The following CYLD variants were observed in gnomAD, a reference collection of about 807,000 sequenced individuals.
CYLD encodes the protein CYLD lysine 63 deubiquitinase, also known as ubiquitin carboxyl-terminal hydrolase CYLD.
CYLD carries 26 observed loss-of-function variants against 104.5 expected under a neutral mutation model. The observed-to-expected ratio is 0.25, with a 90% CI of 0.18 to 0.35. The LOEUF (loss-of-function observed/expected upper bound fraction) is 0.35. CYLD is among the 10% of genes least tolerant of loss of function. The pLI is 1.00. For synonymous variants in CYLD, 385 were observed against 399.9 expected (o/e 0.96, Z 0.45); for missense variants, 703 against 1,136.1 (o/e 0.62, Z 5.48).
intron 17 of CYLD, 135 bp downstream of exon 17, chr16:50,793,799 C>A: frequency 1.4e-6 from 1 of 708,316 alleles, no homozygotes; most frequent in South Asian, 1.6e-5. Flanking sequence ...AATGGTATTG[C>A]TTTTGCCTTT....
chr16:50,751,415 C>T (rs937495963), intron 3 of CYLD, among the ~76,000 whole-genome samples, 189 bp from the exon 4 acceptor site: 1 of 152,198 alleles, frequency 6.6e-6, no homozygotes, highest in Non-Finnish European at 1.5e-5. Context: ...ATTATTTCAG[C>T]ATCAGATACA....
At chr16:50,787,979 C>G (rs1971021136) in intron 14 of CYLD, 127 bp downstream of exon 14, 1 of 591,206 alleles carries the variant, frequency 1.7e-6, no homozygotes, top group Admixed American at 3.4e-5. Flanking sequence ...TCTTAATAGG[C>G]TAGGGGAATA....
chr16:50,784,211 ATTGTTATG>A (rs1970582066), intron 11 of CYLD, 110 bp from the exon 12 acceptor site: 1 of 1,161,974 alleles, frequency 8.6e-7, no homozygotes, highest in Admixed American at 1.9e-5. Context: ...AAAAACACAA[ATTGTTATG>A]TTATTTGTTC....
In CYLD at chr16:50,754,378, G is replaced by A. The variant is rs778051762; in HGVS notation, c.867G>A (p.Ala289=). The A allele has an allele frequency of 5.5e-5, 88 of 1,613,344 alleles. No individual in the cohort carries two copies. The highest frequency in any genetic ancestry group is 1.8e-4 in the Admixed American group (11 of 59,988). ...ATGGAGTGCAGCTTTGTAGTTTTGC[G>A]TGTGTTGAAAGTACAATTCTATTGC... ...RFDGVQLCSF[A]CVESTILLHI... Residue 289 remains alanine, a synonymous_variant, in exon 5 of 19, where the codon GCG becomes GCA. Transcript: ENST00000427738.
chr16:50,751,867 A>C lies in CYLD; in HGVS notation c.768A>C (p.Pro256=). The C allele has an allele frequency of 6.2e-7, 1 of 1,612,712 alleles. No homozygotes were observed. The highest frequency in any genetic ancestry group is 8.5e-7 in the Non-Finnish European group (1 of 1,179,268). ...SGTVIFCDVL[P]GKESLGYFVG... is the part of the protein sequence containing the mutation. ...CAGTTATATTCTGTGATGTTTTGCC[A>C]GGAAAAGAAAGCTTAGGATATTTTG... The change falls in exon 4 of 19, where the codon CCA becomes CCC. Residue 256 remains proline, a synonymous_variant. Coordinates refer to ENST00000427738, the MANE Select transcript of CYLD (RefSeq NM_001378743.1).
chr16:50,791,795 A>G, intron 15 of CYLD, 105 bp downstream of exon 15: 2 of 1,274,982 alleles, frequency 1.6e-6, no homozygotes, highest in South Asian at 2.5e-5. Flanking sequence ...GAAAAGTTTG[A>G]AACACAAACT....
intron 5 of CYLD, among the ~76,000 whole-genome samples, chr16:50,758,433 G>A (rs1967520638): frequency 6.6e-6 from 1 of 152,194 alleles, no homozygotes; most frequent in Non-Finnish European, 1.5e-5. Flanking sequence ...CAGAGGTGGG[G>A]AGCTATAGGT....
Position 50,750,152 on chromosome 16 carries a change from C to T in CYLD, c.454C>T (p.Leu152=), listed in dbSNP as rs772062242. The part of the protein sequence containing the change: ...FPGVVRFRGP[L]LAERTVSGIF... ...TGGAGTTGTACGCTTCAGAGGACCC[C>T]TGTTAGCAGAGAGGACAGTCTCCGG... The change falls in exon 3 of 19, where the codon CTG becomes TTG. Residue 152 remains leucine (L), a synonymous_variant. Transcript: ENST00000427738. 12 of 1,613,990 alleles carry T rather than the reference C, an allele frequency of 7.4e-6. No individual in the cohort carries two copies. Among genetic ancestry groups the T allele is most frequent in the East Asian group, 6.7e-5 (3 of 44,878 alleles).
At chr16:50,755,106 C>T (rs978914793) in intron 5 of CYLD, among the ~76,000 whole-genome samples, 1 of 41,382 alleles carries the variant, frequency 2.4e-5, no homozygotes, top group African/African-American at 1.6e-4. Context: ...TACATATATA[C>T]ACACATATAC....
intron 5 of CYLD, among the ~76,000 whole-genome samples, chr16:50,757,307 T>G (rs1263532533): frequency 6.6e-6 from 1 of 152,200 alleles, no homozygotes; most frequent in Non-Finnish European, 1.5e-5. Context: ...CAACAGCACA[T>G]TAATTTAGTT....
chr16:50,765,790 C>G (rs919142632), intron 5 of CYLD, among the ~76,000 whole-genome samples: 1 of 152,180 alleles, frequency 6.6e-6, no homozygotes, highest in Non-Finnish European at 1.5e-5. Context: ...GAAGATCAAA[C>G]CAGCACATTC....
At chr16:50,784,609 T>C in intron 12 of CYLD, 158 bp downstream of exon 12, 1 of 755,028 alleles carries the variant, frequency 1.3e-6, no homozygotes, top group Non-Finnish European at 2.1e-6. Context: ...TTGGTCCTTG[T>C]ACTTTTTTGC....
intron 15 of CYLD, 128 bp from the exon 16 acceptor site, chr16:50,792,469 A>G: frequency 1.5e-6 from 1 of 670,822 alleles, no homozygotes; most frequent in Non-Finnish European, 2.7e-6. Context: ...TCACGTGTGG[A>G]TCCTGTTTCA....
At chr16:50,767,446 G>A (rs1968637310) in intron 5 of CYLD, among the ~76,000 whole-genome samples, 1 of 146,802 alleles carries the variant, frequency 6.8e-6, no homozygotes, top group South Asian at 2.1e-4. Flanking sequence ...GGGTGTGCCT[G>A]TGTGGGTTTG....
intron 6 of CYLD, 86 bp downstream of exon 6, chr16:50,775,260 A>G (rs1204831847): frequency 7.0e-6 from 7 of 1,006,130 alleles, no homozygotes; most frequent in Middle Eastern, 2.0e-4. Flanking sequence ...CCTCTTCTAC[A>G]TTCCCTTGAT....
Position 50,799,908 on chromosome 16 carries a change from C to T in CYLD, c.*3400C>T, listed in dbSNP as rs1253631828. 5.6e-5 allele frequency: 13 copies of T among 232,894 alleles called. No individual in the cohort carries two copies. The East Asian group carries it at 7.3e-4, about 13-fold the overall frequency. 14.4% of individuals were successfully genotyped at this position (232,894 alleles called of 1,614,324 possible). On this transcript the variant is annotated 3_prime_UTR_variant, in exon 19 of 19. Coordinates refer to ENST00000427738, the MANE Select transcript of CYLD (RefSeq NM_001378743.1). ...GTATTTATCGGACACTTACTAGGTGCCTAGGATTGTATCAGAGGGAATATG... is the reference window on the plus strand; with the variant it reads ...GTATTTATCGGACACTTACTAGGTGTCTAGGATTGTATCAGAGGGAATATG...
intron 6 of CYLD, 28 bp downstream of exon 6, chr16:50,775,202 T>C (rs1242324084): frequency 6.3e-7 from 1 of 1,585,326 alleles, no homozygotes. Context: ...CGTGTTGGAC[T>C]CCACGGATGT....
At chr16:50,775,943 A>G (rs182761721) in intron 6 of CYLD, among the ~76,000 whole-genome samples, 7 of 152,322 alleles carry the variant, frequency 4.6e-5, no homozygotes, top group Admixed American at 3.3e-4. Flanking sequence ...ATTTAGCTGA[A>G]TTGTATTTTG....
intron 3 of CYLD, 44 bp downstream of exon 3, chr16:50,750,246 A>G (rs200525179): frequency 1.2e-6 from 2 of 1,607,026 alleles, no homozygotes; most frequent in Non-Finnish European, 1.7e-6. Flanking sequence ...GTTTGTGTTC[A>G]TGTGTGTCTG....
Sources: allele counts gnomAD v4.1 joint callset (sites outside exome capture counted in the v4.1 genomes callset), GRCh38; gene constraint gnomAD v4.1.1; transcripts MANE v1.5; gene names NCBI Gene and HGNC (gene_info 2026-07-23, HGNC 2026-07-21).